IST1: variants seen among roughly 807,000 people sequenced by gnomAD.
IST1 encodes the protein IST1 factor associated with ESCRT-III, also known as IST1 homolog.
In IST1, 23 loss-of-function variants were observed where a neutral mutation model predicts 37.0. The ratio of observed to expected loss-of-function variants is 0.62; its 90% CI spans 0.45 to 0.88. The LOEUF (loss-of-function observed/expected upper bound fraction) is 0.88. IST1 is among the 40% of genes least tolerant of loss of function. The probability of loss-of-function intolerance (pLI) is 0.00; values close to 1 mark genes in which losing one functional copy is unlikely to be tolerated. For missense variants in IST1, 488 were observed against 445.4 expected (o/e 1.10, Z -0.86); for synonymous variants, 180 against 161.7 (o/e 1.11, Z -0.86).
At chr16:71,922,280 G>A (rs1052832751) in intron 6 of IST1, among the ~76,000 whole-genome samples, 194 bp from the exon 7 acceptor site, 1 of 152,198 alleles carries the variant, frequency 6.6e-6, no homozygotes, top group Non-Finnish European at 1.5e-5. Flanking sequence ...GGAATTGGCT[G>A]AGGCCTTTGT....
intron 9 of IST1, among the ~76,000 whole-genome samples, chr16:71,925,595 T>G (rs934074377): frequency 6.6e-5 from 10 of 152,118 alleles, no homozygotes; most frequent in Non-Finnish European, 1.5e-4. Context: ...ATTACAGGCA[T>G]GAGCCACCGT....
At position 71,922,672 on chromosome 16, in the gene IST1, A is replaced by C. The variant is rs779022413; in HGVS notation, c.751A>C (p.Lys251Gln). 2 of 1,546,252 alleles carry C rather than the reference A, an allele frequency of 1.3e-6. No homozygotes were observed. Among genetic ancestry groups the C allele is most frequent in the Non-Finnish European group, 1.8e-6 (2 of 1,133,058 alleles). Residue 251 changes from lysine to glutamine, a missense_variant, in exon 7 of 10, where the codon AAG (lysine) becomes CAG (glutamine). By Grantham distance (53) the Lys-to-Gln change is moderately conservative (BLOSUM62 1). Around this residue, in one of 2 missense-constraint regions of IST1, gnomAD observed 455 missense variants for 386.2 expected, o/e 1.18. Coordinates refer to ENST00000378799, the MANE Select transcript of IST1 (RefSeq NM_001270975.2). ...TACGCCTTTCTCATATCCACTGCCA[A>C]AGGGACCAGTAAGTATATATAAGTG... ...ANTPFSYPLP[K>Q]GPSDFNGLPM... is the part of the protein sequence containing the mutation.
Position 71,930,299 on chromosome 16 carries a change from C to T in IST1, c.*2486C>T, listed in dbSNP as rs1597267051. The stretch of plus-strand genomic sequence containing the variant: ...AGAAGAAAAGCTTATCCGAAGGAAA[C>T]TTAGGGAGAGAGTCAAAAGATAATA... On this transcript the variant is annotated 3_prime_UTR_variant, in exon 10 of 10. Transcript: ENST00000378799. 9.4e-7 allele frequency: 1 copy of T among 1,068,038 alleles called. No homozygotes were observed. The highest frequency in any genetic ancestry group is 2.8e-5 in the East Asian group (1 of 36,224). 66.2% of individuals were successfully genotyped at this position (1,068,038 alleles called of 1,614,324 possible). A position where few individuals can be genotyped will look rare whatever the true frequency, so the allele number is the denominator to read the frequency against.
chr16:71,930,598 C>T lies in IST1; in HGVS notation c.*2785C>T, dbSNP rs1275241386. On this transcript the variant is annotated 3_prime_UTR_variant, in exon 10 of 10. Transcript: ENST00000378799. ...TATCAAGAAACTACAACCCTAAACACAGGAGCATTCCAATAAAAGTTAACA... is the reference window on the plus strand; with the variant it reads ...TATCAAGAAACTACAACCCTAAACATAGGAGCATTCCAATAAAAGTTAACA... The T allele has an allele frequency of 6.5e-6, 1 of 153,166 alleles. No homozygotes were observed. The highest frequency in any genetic ancestry group is 1.5e-5 in the Non-Finnish European group (1 of 68,892). The allele number at this position is 153,166 out of a possible 1,614,324, so 9.5% of individuals were successfully genotyped here. A position where few individuals can be genotyped will look rare whatever the true frequency, so the allele number is the denominator to read the frequency against.
In IST1 at chr16:71,898,234, A is replaced by G. The variant is rs548608283; in HGVS notation, c.-16+2645A>G. Reference sequence around the variant, plus strand: ...TACTAAAAATACAAAAAAATTAGCCAGGTGTGGTGGTGGGCACCTGTAATC... The same window carrying G: ...TACTAAAAATACAAAAAAATTAGCCGGGTGTGGTGGTGGGCACCTGTAATC... On this transcript the variant is annotated intron_variant, in intron 1 of 9. Transcript: ENST00000378799. 2.6e-3 allele frequency among the ~76,000 whole-genome samples: 393 copies of G among 150,758 alleles called. 2 individuals are homozygous for G. Among genetic ancestry groups the G allele is most frequent in the Non-Finnish European group, 9.7e-4 (66 of 67,726 alleles).
intron 1 of IST1, among the ~76,000 whole-genome samples, chr16:71,898,435 G>C (rs1179715810): frequency 6.6e-6 from 1 of 150,630 alleles, no homozygotes; most frequent in Non-Finnish European, 1.5e-5. Flanking sequence ...TGTAATCCCA[G>C]CACTTTGAGA....
At chr16:71,906,634 A>G (rs977934579) in intron 1 of IST1, among the ~76,000 whole-genome samples, 4 of 152,132 alleles carry the variant, frequency 2.6e-5, no homozygotes, top group Admixed American at 1.3e-4. Flanking sequence ...CTTTTAGATC[A>G]GGTCTACTGG....
chr16:71,915,865 C>G, intron 2 of IST1, 137 bp downstream of exon 2: 2 of 573,552 alleles, frequency 3.5e-6, no homozygotes, highest in South Asian at 2.0e-5. Flanking sequence ...GGGTCTCACT[C>G]TGTCGCCCAG....
rs150346332 is a variant in IST1 at position 71,923,313 on chromosome 16, G to A, written c.785G>A (p.Gly262Glu). ...TCAGATTTCAATGGACTGCCAATGG[G>A]GACTTATCAGGCCTTTCCCAATATT... ...GPSDFNGLPMGTYQAFPNIHP... is the reference protein window; with the variant it reads ...GPSDFNGLPMETYQAFPNIHP... Residue 262 changes from glycine (G) to glutamate (E), a missense_variant, in exon 8 of 10, where the codon GGG becomes GAG. By Grantham distance (98) the Gly-to-Glu change is moderately conservative (BLOSUM62 -2). Transcript: ENST00000378799. 4.3e-6 allele frequency: 7 copies of A among 1,611,162 alleles called. No homozygotes were observed. The highest frequency in any genetic ancestry group is 5.1e-6 in the Non-Finnish European group (6 of 1,177,920).
Position 71,921,420 on chromosome 16 carries a change from C to A in IST1, c.519C>A (p.Tyr173Ter). The A allele has an allele frequency of 6.2e-7, 1 of 1,612,676 alleles. No homozygotes were observed. The highest frequency in any genetic ancestry group is 8.5e-7 in the Non-Finnish European group (1 of 1,178,656). Residue 173 changes from tyrosine to a stop codon, truncating the protein, a stop_gained, in exon 6 of 10, where the codon TAC becomes TAA. Transcript: ENST00000378799. LOFTEE classifies it high-confidence loss of function. ...ACCTGATTGAAATTGCAAAGAATTA[C>A]AACGTACCCTATGAACCTGACTCTG... is the stretch of plus-strand genomic sequence containing the variant. ...ERYLIEIAKN[Y>*]NVPYEPDSVV...
intron 6 of IST1, 134 bp from the exon 7 acceptor site, chr16:71,922,340 C>T: frequency 1.4e-6 from 1 of 738,960 alleles, no homozygotes; most frequent in Non-Finnish European, 2.3e-6. Context: ...TCTGCCTTTT[C>T]TTCCCCCACA....
chr16:71,929,757 T>C lies in IST1; in HGVS notation c.*1944T>C. 7.6e-7 allele frequency: 1 copy of C among 1,323,516 alleles called. No individual in the cohort carries two copies. Among genetic ancestry groups the C allele is most frequent in the South Asian group, 1.5e-5 (1 of 66,900 alleles). The allele number at this position is 1,323,516 out of a possible 1,614,324, so 82.0% of individuals were successfully genotyped here. ...AGTGGAGTAAAAAAAGTACCAAAGATTTTTAAAAAATTAGTAAATGTAAAG... is the reference window on the plus strand; with the variant it reads ...AGTGGAGTAAAAAAAGTACCAAAGACTTTTAAAAAATTAGTAAATGTAAAG... On this transcript the variant is annotated 3_prime_UTR_variant, in exon 10 of 10. Coordinates refer to ENST00000378799, the MANE Select transcript of IST1 (RefSeq NM_001270975.2).
chr16:71,927,315 CCTCT>C (rs954552626), intron 9 of IST1, among the ~76,000 whole-genome samples: 1 of 151,684 alleles, frequency 6.6e-6, no homozygotes, highest in African/African-American at 2.4e-5. Context: ...CTGGTGAAAC[CCTCT>C]CTCTACTAAA....
rs2037794027 is a variant in IST1, at chr16:71,928,052, G to A, written c.*239G>A. The A allele has an allele frequency of 4.1e-6, 2 of 484,186 alleles. No homozygotes were observed. Among genetic ancestry groups the A allele is most frequent in the Non-Finnish European group, 7.5e-6 (2 of 265,294 alleles). The allele number at this position is 484,186 out of a possible 1,614,324, so 30.0% of individuals were successfully genotyped here. The stretch of plus-strand genomic sequence containing the variant: ...TGGCTCCTGGCAGCTGTGCTTGTCC[G>A]TTTCCTGTCAGAGTGATCCCAGGTT... On this transcript the variant is annotated 3_prime_UTR_variant, in exon 10 of 10. Transcript: ENST00000378799.
chr16:71,905,653 T>G (rs1381019899), intron 1 of IST1, among the ~76,000 whole-genome samples: 2 of 152,206 alleles, frequency 1.3e-5, no homozygotes, highest in Non-Finnish European at 1.5e-5. Context: ...GTGCTGGGAT[T>G]ACAGGCGTGA....
chr16:71,909,228 C>T (rs1260110993), intron 1 of IST1, among the ~76,000 whole-genome samples: 1 of 151,752 alleles, frequency 6.6e-6, no homozygotes, highest in African/African-American at 2.4e-5. Context: ...CCACCTCACC[C>T]TTGCAAGTAG....
At chr16:71,922,245 C>G (rs950247055) in intron 6 of IST1, among the ~76,000 whole-genome samples, 8 of 152,322 alleles carry the variant, frequency 5.3e-5, no homozygotes, top group African/African-American at 1.9e-4. Context: ...ACCATCAGGT[C>G]CATTCCAGCT....
chr16:71,923,645 C>CTAT lies in IST1; in HGVS notation c.852+266_852+268dup, dbSNP rs531366364. The CTAT allele has an allele frequency of 6.6e-4, 215 of 327,894 alleles. 1 individual carries two copies. The highest frequency in any genetic ancestry group is 3.4e-3 in the Admixed American group (72 of 21,006). 20.3% of individuals were successfully genotyped at this position (327,894 alleles called of 1,614,324 possible). A position where few individuals can be genotyped will look rare whatever the true frequency, so the allele number is the denominator to read the frequency against. ...AGATTTCTTAGAAAGTTGTAGTGCT[C>CTAT]TATGAGGGCACTTAGCCAGTTGTTT... On this transcript the variant is annotated intron_variant, in intron 8 of 9. Transcript: ENST00000378799.
In IST1 at chr16:71,929,179, C is replaced by T. The variant is rs1359284943; in HGVS notation, c.*1366C>T. ...TAGCCCAGATAGCATCTGTGAATTT[C>T]CTTGGTCTTCCTCAGTGGCAGGGCT... On this transcript the variant is annotated 3_prime_UTR_variant, in exon 10 of 10. Coordinates refer to ENST00000378799, the MANE Select transcript of IST1 (RefSeq NM_001270975.2). The T allele has an allele frequency of 5.4e-6, 1 of 184,564 alleles. No homozygotes were observed. Among genetic ancestry groups the T allele is most frequent in the East Asian group, 1.4e-4 (1 of 7,106 alleles). 11.4% of individuals were successfully genotyped at this position (184,564 alleles called of 1,614,324 possible).
Sources: allele counts gnomAD v4.1 joint callset (sites outside exome capture counted in the v4.1 genomes callset), GRCh38; gene constraint gnomAD v4.1.1; regional missense constraint gnomAD v4.1.1; transcripts MANE v1.5; gene names NCBI Gene and HGNC (gene_info 2026-07-23, HGNC 2026-07-21).